Variants in ISOC1 observed in about 807,000 individuals in gnomAD.
The protein encoded by ISOC1 is isochorismatase domain containing 1.
Under a neutral mutation model 30.0 loss-of-function variants are expected in ISOC1, and 33 were observed. The ratio of observed to expected loss-of-function variants is 1.10; its 90% CI spans 0.83 to 1.47. The LOEUF (loss-of-function observed/expected upper bound fraction) is 1.47, where lower values mean the gene tolerates loss of function less well. Ranked by LOEUF, ISOC1 falls within the 40% of genes most tolerant of loss-of-function variation. The probability of loss-of-function intolerance (pLI) is 0.00; values close to 1 mark genes in which losing one functional copy is unlikely to be tolerated. For synonymous variants in ISOC1, 178 were observed against 159.8 expected (o/e 1.11, Z -0.86); for missense variants, 372 against 388.0 (o/e 0.96, Z 0.35).
intron 4 of ISOC1, among the ~76,000 whole-genome samples, chr5:129,112,122 A>G (rs149476289): frequency 2.0e-5 from 3 of 152,342 alleles, no homozygotes; most frequent in African/African-American, 4.8e-5. Context: ...TTTTAATCCA[A>G]TTAAACAATT....
intron 3 of ISOC1, among the ~76,000 whole-genome samples, chr5:129,106,483 C>T (rs531929480): frequency 3.0e-4 from 45 of 152,132 alleles, no homozygotes; most frequent in Non-Finnish European, 5.4e-4. Flanking sequence ...ACTTGGCCTA[C>T]CTTTACTACA....
At chr5:129,099,637 A>G (rs1580786328) in intron 1 of ISOC1, among the ~76,000 whole-genome samples, 1 of 152,210 alleles carries the variant, frequency 6.6e-6, no homozygotes, top group East Asian at 1.9e-4. Flanking sequence ...TGTTAACATA[A>G]CAAGTTATGC....
Position 129,106,957 on chromosome 5 carries a change from C to T in ISOC1, c.645C>T (p.Cys215=). ...VVLFGVETHV[C]IQQTALELVG... is the part of the protein sequence containing the mutation. ...TACTTTCCTACTAGACTCATGTGTG[C>T]ATCCAACAAACTGCCCTGGAGCTAG... The change falls in exon 4 of 5, where the codon TGC becomes TGT. Residue 215 remains cysteine (C), a synonymous_variant. Coordinates refer to ENST00000173527, the MANE Select transcript of ISOC1 (RefSeq NM_016048.2). 1 of 1,612,502 alleles carries T rather than the reference C, an allele frequency of 6.2e-7. No homozygotes were observed. Among genetic ancestry groups the T allele is most frequent in the Non-Finnish European group, 8.5e-7 (1 of 1,178,684 alleles).
At chr5:129,101,363 G>A (rs201861383) in intron 1 of ISOC1, among the ~76,000 whole-genome samples, 1 of 151,466 alleles carries the variant, frequency 6.6e-6, no homozygotes, top group Admixed American at 6.6e-5. Flanking sequence ...GGGTGCAGTG[G>A]TGCACGCCTG....
chr5:129,101,680 A>G (rs1753574029), intron 1 of ISOC1, among the ~76,000 whole-genome samples: 1 of 152,138 alleles, frequency 6.6e-6, no homozygotes, highest in Non-Finnish European at 1.5e-5. Flanking sequence ...GTCACAACCA[A>G]AGAACCAACA....
chr5:129,105,120 T>C, intron 2 of ISOC1, 45 bp downstream of exon 2: 1 of 1,612,552 alleles, frequency 6.2e-7, no homozygotes, highest in Non-Finnish European at 8.5e-7. Context: ...AATCATCATA[T>C]ACACTCATAT....
chr5:129,104,592 C>T (rs766787313), intron 1 of ISOC1, among the ~76,000 whole-genome samples: 9 of 152,078 alleles, frequency 5.9e-5, no homozygotes, highest in Non-Finnish European at 1.0e-4. Context: ...TATTGAACTG[C>T]ACTTTTTAAA....
intron 1 of ISOC1, among the ~76,000 whole-genome samples, chr5:129,096,750 G>T (rs890397002): frequency 6.6e-6 from 1 of 152,304 alleles, no homozygotes; most frequent in South Asian, 2.1e-4. Context: ...AACTGCGGAG[G>T]TCTGGGACTA....
At chr5:129,097,370 AAG>A (rs560293930) in intron 1 of ISOC1, among the ~76,000 whole-genome samples, 292 of 152,194 alleles carry the variant, frequency 1.9e-3, no homozygotes, top group African/African-American at 6.2e-3. Flanking sequence ...TCTATATGAG[AAG>A]AGAGAGATAT....
chr5:129,109,455 T>G (rs578023504), intron 4 of ISOC1, among the ~76,000 whole-genome samples: 1 of 152,344 alleles, frequency 6.6e-6, no homozygotes, highest in African/African-American at 2.4e-5. Flanking sequence ...TGTTACTGAT[T>G]GTTGTCTTCA....
At chr5:129,108,911 C>T (rs1324913474) in intron 4 of ISOC1, among the ~76,000 whole-genome samples, 1 of 152,168 alleles carries the variant, frequency 6.6e-6, no homozygotes, top group Non-Finnish European at 1.5e-5. Flanking sequence ...AGGTCCTCAC[C>T]ACCTCAGCCA....
chr5:129,106,479 C>A (rs1459415902), intron 3 of ISOC1, among the ~76,000 whole-genome samples: 1 of 152,118 alleles, frequency 6.6e-6, no homozygotes, highest in Non-Finnish European at 1.5e-5. Flanking sequence ...TTTCACTTGG[C>A]CTACCTTTAC....
At chr5:129,109,091 A>G (rs954865345) in intron 4 of ISOC1, among the ~76,000 whole-genome samples, 4 of 152,188 alleles carry the variant, frequency 2.6e-5, no homozygotes, top group African/African-American at 7.2e-5. Context: ...TTGTTATGGC[A>G]ACTTAATGAC....
intron 3 of ISOC1, among the ~76,000 whole-genome samples, chr5:129,106,622 G>T (rs1753640758): frequency 6.6e-6 from 1 of 152,156 alleles, no homozygotes; most frequent in Non-Finnish European, 1.5e-5. Flanking sequence ...CTGAGTGCTA[G>T]TAAATCAGCT....
At chr5:129,112,553 C>G (rs1367529741) in intron 4 of ISOC1, among the ~76,000 whole-genome samples, 1 of 152,122 alleles carries the variant, frequency 6.6e-6, no homozygotes, top group African/African-American at 2.4e-5. Flanking sequence ...TCTCTCATCT[C>G]ATGTTTTACA....
intron 1 of ISOC1, among the ~76,000 whole-genome samples, chr5:129,104,303 C>A (rs537337441): frequency 1.3e-5 from 2 of 151,906 alleles, no homozygotes; most frequent in Admixed American, 1.3e-4. Context: ...TTGCTTCTGT[C>A]TGTTTTTTGT....
chr5:129,107,675 A>G (rs1753655798), intron 4 of ISOC1, among the ~76,000 whole-genome samples: 2 of 152,210 alleles, frequency 1.3e-5, no homozygotes, highest in Admixed American at 1.3e-4. Context: ...ATGCTGTTTT[A>G]TATCAGGGAC....
chr5:129,108,712 A>G (rs963656872), intron 4 of ISOC1, among the ~76,000 whole-genome samples: 1 of 152,058 alleles, frequency 6.6e-6, no homozygotes, highest in African/African-American at 2.4e-5. Flanking sequence ...GGGTTTTGCC[A>G]TGTTGGCCAG....
chr5:129,096,426 TCC>T (rs1043336051), intron 1 of ISOC1, among the ~76,000 whole-genome samples: 1 of 152,114 alleles, frequency 6.6e-6, no homozygotes, highest in Non-Finnish European at 1.5e-5. Context: ...GCCAGAAGTG[TCC>T]AAAGCAGGTA....
Sources: allele counts gnomAD v4.1 joint callset (sites outside exome capture counted in the v4.1 genomes callset), GRCh38; gene constraint gnomAD v4.1.1; transcripts MANE v1.5; gene names NCBI Gene and HGNC (gene_info 2026-07-23, HGNC 2026-07-21).